CELSR1: variants seen among roughly 807,000 people sequenced by gnomAD.
CELSR1 encodes adhesion G protein-coupled receptor C1.
A neutral mutation model predicts 249.1 loss-of-function variants in CELSR1; 110 were observed. The ratio of observed to expected loss-of-function variants is 0.44; its 90% confidence interval spans 0.38 to 0.52. The LOEUF is 0.52. Among genes scored for constraint, CELSR1 ranks in the 20% least tolerant of loss-of-function variants. The pLI, the probability that CELSR1 is intolerant of heterozygous loss-of-function variation, is 0.00. For missense variants in CELSR1, 4,109 were observed against 4,296.4 expected (o/e 0.96, Z 1.22); for synonymous variants, 2,113 against 1,900.0 (o/e 1.11, Z -2.92).
At chr22:46,368,544 A>T (rs2078813828) in intron 27 of CELSR1, among the ~76,000 whole-genome samples, 1 of 151,456 alleles carries the variant, frequency 6.6e-6, no homozygotes, top group South Asian at 2.1e-4. Context: ...CGCAAGCATT[A>T]TCCCTTCGCC....
At position 46,374,788 on chromosome 22, in the gene CELSR1, G is replaced by C. The variant is rs886926847; in HGVS notation, c.7585-1731C>G. Among the ~76,000 whole-genome samples, 3 of 152,188 alleles carry C rather than the reference G, an allele frequency of 2.0e-5. No individual in the cohort carries two copies. The highest frequency in any genetic ancestry group is 7.2e-5 in the African/African-American group (3 of 41,410). Reference sequence around the variant, plus strand: ...CCTTCCCAGACCAATGCGCGGATGAGAACGTGCCCATTGCGGGGATGCGCC... The same window carrying C: ...CCTTCCCAGACCAATGCGCGGATGACAACGTGCCCATTGCGGGGATGCGCC... On this transcript the variant is annotated intron_variant, in intron 24 of 34. Coordinates refer to ENST00000674500, the MANE Select transcript of CELSR1 (RefSeq NM_001378328.1). This position sits in a 1 kb window ranked among gnomAD's most constrained non-coding sequence, Gnocchi z 4.3.
chr22:46,477,446 G>A (rs757816472), intron 1 of CELSR1, among the ~76,000 whole-genome samples: 14 of 152,022 alleles, frequency 9.2e-5, no homozygotes, highest in Admixed American at 5.2e-4. Flanking sequence ...GGGGAGTGCC[G>A]GGAACTCCTG....
At chr22:46,522,264 T>A (rs961269775) in intron 1 of CELSR1, among the ~76,000 whole-genome samples, 1 of 152,194 alleles carries the variant, frequency 6.6e-6, no homozygotes, top group African/African-American at 2.4e-5. Context: ...TAGCTGAGAC[T>A]ACAGGTTCAT....
At chr22:46,387,781 T>C (rs1458182342) in intron 18 of CELSR1, among the ~76,000 whole-genome samples, 1 of 151,908 alleles carries the variant, frequency 6.6e-6, no homozygotes, top group Non-Finnish European at 1.5e-5. Context: ...TGCCAGGGGT[T>C]TTTCCACGTA....
rs927870887 is a variant in CELSR1, at chr22:46,423,325, C to T, written c.4611+10068G>A. On this transcript the variant is annotated intron_variant, in intron 5 of 34. Coordinates refer to ENST00000674500, the MANE Select transcript of CELSR1 (RefSeq NM_001378328.1). This position sits in a 1 kb window ranked among gnomAD's most constrained non-coding sequence, Gnocchi z 5.6. Reference sequence around the variant, plus strand: ...ATAAATATCTGATCAAGACTCCATGCTGGCCAGGCGCGGTGGCTCACGCCT... The same window carrying T: ...ATAAATATCTGATCAAGACTCCATGTTGGCCAGGCGCGGTGGCTCACGCCT... Among the ~76,000 whole-genome samples, 8 of 152,212 alleles carry T rather than the reference C, an allele frequency of 5.3e-5. No individual in the cohort carries two copies. Among genetic ancestry groups the T allele is most frequent in the African/African-American group, 1.7e-4 (7 of 41,456 alleles).
rs1602094416 is a variant in CELSR1 at position 46,409,259 on chromosome 22, G to A, written c.5060-97C>T. 4 of 1,340,590 alleles carry A rather than the reference G, an allele frequency of 3.0e-6. No homozygotes were observed. Among genetic ancestry groups the A allele is most frequent in the East Asian group, 2.4e-5 (1 of 41,844 alleles). 83.0% of individuals were successfully genotyped at this position (1,340,590 alleles called of 1,614,324 possible). A position where few individuals can be genotyped will look rare whatever the true frequency, so the allele number is the denominator to read the frequency against. On this transcript the variant is annotated intron_variant, in intron 8 of 34. Transcript: ENST00000674500. The surrounding 1 kb of genome is among the most constrained non-coding windows in gnomAD (Gnocchi z 9.8). ...GGGGATGGGCCTGCAGGCTAGGCCT[G>A]GGCCTTTTTCACTTTAACACGAAGG...
At chr22:46,366,970 G>T in intron 29 of CELSR1, 23 bp downstream of exon 29, 1 of 1,594,694 alleles carries the variant, frequency 6.3e-7, no homozygotes, top group Non-Finnish European at 8.5e-7. Context: ...CCCCAGTCCC[G>T]CGGTGTCCCC....
rs2080647812 is a variant in CELSR1, at chr22:46,518,153, A to G, written c.3544+15474T>C. On this transcript the variant is annotated intron_variant, in intron 1 of 34. Coordinates refer to ENST00000674500, the MANE Select transcript of CELSR1 (RefSeq NM_001378328.1). This position sits in a 1 kb window ranked among gnomAD's most constrained non-coding sequence, Gnocchi z 5.2. ...CTCGTGACCTCAGGTGATGTGATCC[A>G]TCCATCTCGACCTCCCAAAGTGCTG... is the stretch of plus-strand genomic sequence containing the variant. Among the ~76,000 whole-genome samples the G allele has an allele frequency of 6.6e-6, 1 of 152,114 alleles. No individual in the cohort carries two copies.
intron 1 of CELSR1, among the ~76,000 whole-genome samples, chr22:46,499,779 T>G (rs11913800): frequency 0.025 from 3,857 of 152,158 alleles, 154 homozygotes; most frequent in African/African-American, 0.089. Flanking sequence ...TCCTCTGCTC[T>G]CGTCCCTCAG....
In CELSR1 at chr22:46,398,692, G is replaced by A. The variant is rs544764111; in HGVS notation, c.5413-55C>T. Reference sequence around the variant, plus strand: ...GGGCTGCATCCACCATCCTAGAAACGTCTCTCAGATGGGAAGGATACACTG... The same window carrying A: ...GGGCTGCATCCACCATCCTAGAAACATCTCTCAGATGGGAAGGATACACTG... On this transcript the variant is annotated intron_variant, in intron 10 of 34. Coordinates refer to ENST00000674500, the MANE Select transcript of CELSR1 (RefSeq NM_001378328.1). The surrounding 1 kb of genome is among the most constrained non-coding windows in gnomAD (Gnocchi z 7.2). 15 of 1,395,966 alleles carry A rather than the reference G, an allele frequency of 1.1e-5. No homozygotes were observed. The East Asian group carries it at 1.4e-4, about 13-fold the overall frequency. 86.5% of individuals were successfully genotyped at this position (1,395,966 alleles called of 1,614,324 possible). A position where few individuals can be genotyped will look rare whatever the true frequency, so the allele number is the denominator to read the frequency against.
At position 46,534,546 on chromosome 22, in the gene CELSR1, G is replaced by A. The variant is rs946939664; in HGVS notation, c.2625C>T (p.Thr875=). ...CGAGGATGAGGATCTCTAGGGTGGTGGTGTCTGATTTCTGCGGGATGCCGT... is the reference window on the plus strand; with the variant it reads ...CGAGGATGAGGATCTCTAGGGTGGTAGTGTCTGATTTCTGCGGGATGCCGT... ...QDNGIPQKSD[T]TTLEILILDA... The change falls in exon 1 of 35, where the codon ACC becomes ACT. Residue 875 remains threonine, a synonymous_variant. Transcript: ENST00000674500. This position sits in a 1 kb window ranked among gnomAD's most constrained non-coding sequence, Gnocchi z 9.7. 2.5e-6 allele frequency: 4 copies of A among 1,613,566 alleles called. No individual in the cohort carries two copies. In the African/African-American group the frequency reaches 5.3e-5, roughly 22 times the overall value.
chr22:46,400,749 C>T (rs1324470463), intron 9 of CELSR1, among the ~76,000 whole-genome samples: 1 of 152,124 alleles, frequency 6.6e-6, no homozygotes, highest in Non-Finnish European at 1.5e-5. Flanking sequence ...GCCAGGAGGT[C>T]AAGGCCAGCC....
At chr22:46,459,187 C>T (rs972052752) in intron 2 of CELSR1, among the ~76,000 whole-genome samples, 1 of 152,118 alleles carries the variant, frequency 6.6e-6, no homozygotes, top group Non-Finnish European at 1.5e-5. Context: ...CGTGCCCAGC[C>T]GGTTCCCATT....
At position 46,447,691 on chromosome 22, in the gene CELSR1, C is replaced by T. The variant is rs182528897; in HGVS notation, c.4184-8280G>A. On this transcript the variant is annotated intron_variant, in intron 2 of 34. Transcript: ENST00000674500. The surrounding 1 kb of genome is among the most constrained non-coding windows in gnomAD (Gnocchi z 4.7). ...AGGCTGGAGTGCAATGGTGCGATCT[C>T]GGCTCACAACCTCCACCTCCCAGGT... is the stretch of plus-strand genomic sequence containing the variant. Among the ~76,000 whole-genome samples, 1 of 152,288 alleles carries T rather than the reference C, an allele frequency of 6.6e-6. No homozygotes were observed. Among genetic ancestry groups the T allele is most frequent in the East Asian group, 1.9e-4 (1 of 5,176 alleles).
Position 46,396,318 on chromosome 22 carries a change from G to C in CELSR1, c.5843+287C>G, listed in dbSNP as rs889591794. ...AGCTACTCGGGAGGCCGAGGCAGGA[G>C]AATCACTTGAGCCCAGGAGGCAGAG... On this transcript the variant is annotated intron_variant, in intron 13 of 34. Transcript: ENST00000674500. This position sits in a 1 kb window ranked among gnomAD's most constrained non-coding sequence, Gnocchi z 6.4. Among the ~76,000 whole-genome samples the C allele has an allele frequency of 2.6e-5, 4 of 152,098 alleles. No individual in the cohort carries two copies. The highest frequency in any genetic ancestry group is 7.2e-5 in the African/African-American group (3 of 41,388).
intron 1 of CELSR1, among the ~76,000 whole-genome samples, chr22:46,528,068 A>C (rs1602244182): frequency 7.2e-6 from 1 of 138,932 alleles, no homozygotes; most frequent in Non-Finnish European, 1.5e-5. Flanking sequence ...ATGCCATTGC[A>C]CTCCAGCCTG....
Position 46,364,362 on chromosome 22 carries a change from C to G in CELSR1, c.8780-111G>C, listed in dbSNP as rs1004368602. On this transcript the variant is annotated intron_variant, in intron 33 of 34. Coordinates refer to ENST00000674500, the MANE Select transcript of CELSR1 (RefSeq NM_001378328.1). Reference sequence around the variant, plus strand: ...GCCCCTGTCCTTCCTCCTGGTTCCCCGGGTCCCAGGGCTAGGCCAGGAGGC... The same window carrying G: ...GCCCCTGTCCTTCCTCCTGGTTCCCGGGGTCCCAGGGCTAGGCCAGGAGGC... 6 of 1,523,042 alleles carry G rather than the reference C, an allele frequency of 3.9e-6. No individual in the cohort carries two copies. In the Admixed American group the frequency reaches 8.3e-5, roughly 21 times the overall value. The allele number at this position is 1,523,042 out of a possible 1,614,324, so 94.3% of individuals were successfully genotyped here.
rs548774578 is a variant in CELSR1, at chr22:46,395,764, G to A, written c.5843+841C>T. ...TGAGCCACAGGGGCATCACCTCCAC[G>A]GCGGCCTGGAACCTTGGTTTATGAA... On this transcript the variant is annotated intron_variant, in intron 13 of 34. Coordinates refer to ENST00000674500, the MANE Select transcript of CELSR1 (RefSeq NM_001378328.1). The surrounding 1 kb of genome is among the most constrained non-coding windows in gnomAD (Gnocchi z 5.5). Among the ~76,000 whole-genome samples, 18 of 152,254 alleles carry A rather than the reference G, an allele frequency of 1.2e-4. No homozygotes were observed. In the South Asian group the frequency reaches 1.7e-3, roughly 14 times the overall value.
chr22:46,368,622 C>T (rs544520072), intron 27 of CELSR1, among the ~76,000 whole-genome samples: 2 of 140,462 alleles, frequency 1.4e-5, no homozygotes, highest in Non-Finnish European at 2.9e-5. Context: ...TGACAGATGC[C>T]CCCGTCAACC....
Sources: gnomAD v4.1 joint callset for allele counts (sites outside exome capture counted in the v4.1 genomes callset) on GRCh38, gnomAD v4.1.1 for gene constraint, Gnocchi (gnomAD v3.1) non-coding constraint, MANE v1.5 for transcripts, NCBI Gene and HGNC (gene_info 2026-07-23, HGNC 2026-07-21) for gene names.